ZNF407: variants seen among roughly 807,000 people sequenced by gnomAD.
The protein encoded by ZNF407 is zinc finger protein 407.
Under a neutral mutation model 131.2 loss-of-function variants are expected in ZNF407, and 17 were observed. The observed-to-expected ratio is 0.13, with a 90% CI of 0.09 to 0.19. The LOEUF is 0.19. ZNF407 is among the 10% of genes least tolerant of loss of function. The probability of loss-of-function intolerance (pLI) is 1.00; values close to 1 mark genes in which losing one functional copy is unlikely to be tolerated. For synonymous variants in ZNF407, 1,156 were observed against 1,062.0 expected, an observed-to-expected ratio of 1.09 and a Z score of -1.72; for missense variants, 2,681 against 2,830.6, an observed-to-expected ratio of 0.95 and a Z score of 1.20.
At chr18:74,913,677 A>T (rs1433783387) in intron 7 of ZNF407, among the ~76,000 whole-genome samples, 1 of 152,196 alleles carries the variant, frequency 6.6e-6, no homozygotes, top group African/African-American at 2.4e-5. Flanking sequence ...GACTTCTGTC[A>T]TATCCATTAT....
At chr18:74,988,636 G>A (rs1408442738) in intron 8 of ZNF407, among the ~76,000 whole-genome samples, 1 of 151,428 alleles carries the variant, frequency 6.6e-6, no homozygotes, top group Non-Finnish European at 1.5e-5. Context: ...AAAACTTGAA[G>A]TATAATAATA....
At chr18:74,914,128 C>G (rs1348373720) in intron 7 of ZNF407, among the ~76,000 whole-genome samples, 2 of 152,172 alleles carry the variant, frequency 1.3e-5, no homozygotes, top group South Asian at 4.1e-4. Context: ...TCTGCTGAGC[C>G]CTGCAGGAAT....
chr18:74,961,569 A>C (rs946888990), intron 8 of ZNF407, among the ~76,000 whole-genome samples: 16 of 152,056 alleles, frequency 1.1e-4, no homozygotes, highest in African/African-American at 3.9e-4. Context: ...AAATACAAAA[A>C]ATTAGCTGGG....
At chr18:74,808,549 A>G (rs949126425) in intron 4 of ZNF407, among the ~76,000 whole-genome samples, 8 of 152,226 alleles carry the variant, frequency 5.3e-5, no homozygotes, top group Non-Finnish European at 1.0e-4. Context: ...TATTGCTAGA[A>G]TAAGGGAAAG....
chr18:75,017,804 A>G (rs1011794445), intron 8 of ZNF407, among the ~76,000 whole-genome samples: 1 of 152,066 alleles, frequency 6.6e-6, no homozygotes, highest in Non-Finnish European at 1.5e-5. Flanking sequence ...TCTTTTTAGT[A>G]TAGCCAAAGT....
chr18:74,860,869 C>G (rs1176012679), intron 4 of ZNF407, among the ~76,000 whole-genome samples: 1 of 152,012 alleles, frequency 6.6e-6, no homozygotes, highest in Non-Finnish European at 1.5e-5. Flanking sequence ...AATAGTAACA[C>G]TTATGTATTA....
chr18:74,677,224 G>A (rs1480859607), intron 3 of ZNF407, among the ~76,000 whole-genome samples: 1 of 152,140 alleles, frequency 6.6e-6, no homozygotes, highest in Non-Finnish European at 1.5e-5. Context: ...TTGAGTAGCT[G>A]GGACCACAGG....
intron 8 of ZNF407, among the ~76,000 whole-genome samples, chr18:74,964,645 C>CT (rs555711108): frequency 1.2e-5 from 1 of 84,304 alleles, no homozygotes; most frequent in Admixed American, 1.4e-4. Flanking sequence ...AAATTGTTGT[C>CT]TTTTTTCTTT....
intron 3 of ZNF407, among the ~76,000 whole-genome samples, chr18:74,682,097 C>G (rs1391234172): frequency 6.6e-6 from 1 of 152,118 alleles, no homozygotes; most frequent in Non-Finnish European, 1.5e-5. Context: ...AATATTCTTC[C>G]CAAGTTCATT....
At chr18:74,804,207 C>A in intron 4 of ZNF407, 3 of 1,326,644 alleles carry the variant, frequency 2.3e-6, no homozygotes, top group Non-Finnish European at 2.9e-6. Context: ...TGTAAATCAT[C>A]ACACAAATGT....
At position 74,846,026 on chromosome 18, in the gene ZNF407, A is replaced by G. The variant is rs1271496566; in HGVS notation, c.4878-31171A>G. ...TTGAAATTTGAGTAAATCTATATCA[A>G]CTTGGCTCTTTTGTATGCAACTTAG... On this transcript the variant is annotated intron_variant, in intron 4 of 8. Transcript: ENST00000299687. Among the ~76,000 whole-genome samples, 3 of 152,192 alleles carry G rather than the reference A, an allele frequency of 2.0e-5. No individual in the cohort carries two copies. The East Asian group carries it at 5.8e-4, about 29-fold the overall frequency.
chr18:74,888,691 C>T (rs532860192), intron 6 of ZNF407, among the ~76,000 whole-genome samples: 6 of 152,124 alleles, frequency 3.9e-5, no homozygotes, highest in African/African-American at 1.4e-4. Flanking sequence ...ATTAAATATC[C>T]TTGTTTTCAG....
chr18:74,604,265 C>T (rs1311633961), intron 1 of ZNF407, among the ~76,000 whole-genome samples: 1 of 152,172 alleles, frequency 6.6e-6, no homozygotes, highest in Admixed American at 6.5e-5. Context: ...CCTAGTTTTT[C>T]TCCTTGTTAG....
chr18:74,845,227 T>C (rs1379627969), intron 4 of ZNF407, among the ~76,000 whole-genome samples: 5 of 152,240 alleles, frequency 3.3e-5, no homozygotes, highest in Non-Finnish European at 7.3e-5. Flanking sequence ...ATGTTGGTGA[T>C]GCTAAAGTTC....
At chr18:74,619,618 CAT>C (rs1313095288) in intron 1 of ZNF407, among the ~76,000 whole-genome samples, 4 of 152,146 alleles carry the variant, frequency 2.6e-5, no homozygotes, top group Non-Finnish European at 5.9e-5. Context: ...GGCTCTATCA[CAT>C]GTCACCTCCC....
Position 74,703,088 on chromosome 18 carries a change from T to G in ZNF407, c.4802+61966T>G, listed in dbSNP as rs1967538567. On this transcript the variant is annotated intron_variant, in intron 3 of 8. Coordinates refer to ENST00000299687, the MANE Select transcript of ZNF407 (RefSeq NM_017757.3). This position sits in a 1 kb window ranked among gnomAD's most constrained non-coding sequence, Gnocchi z 4.1. ...GTCTAGTGGTTGGAGAAACTCCTGATGGAGGTGGAGCAGTTGCAGGGCTAG... is the reference window on the plus strand; with the variant it reads ...GTCTAGTGGTTGGAGAAACTCCTGAGGGAGGTGGAGCAGTTGCAGGGCTAG... Among the ~76,000 whole-genome samples the G allele has an allele frequency of 6.6e-6, 1 of 152,230 alleles. No individual in the cohort carries two copies.
chr18:74,665,241 G>A (rs1223093718), intron 3 of ZNF407, among the ~76,000 whole-genome samples: 1 of 152,190 alleles, frequency 6.6e-6, no homozygotes, highest in Non-Finnish European at 1.5e-5. Flanking sequence ...TAAAATAATT[G>A]TGGAGTTACT....
chr18:74,647,966 G>A (rs769120874), intron 3 of ZNF407, among the ~76,000 whole-genome samples: 2 of 152,126 alleles, frequency 1.3e-5, no homozygotes, highest in African/African-American at 2.4e-5. Context: ...TTAACAGAGC[G>A]AACATGAGGG....
At chr18:74,951,189 T>C (rs536303510) in intron 8 of ZNF407, among the ~76,000 whole-genome samples, 1 of 152,310 alleles carries the variant, frequency 6.6e-6, no homozygotes, top group East Asian at 1.9e-4. Context: ...CTTTTCTTTT[T>C]TCTCTATGAT....
Sources: gnomAD v4.1 joint callset for allele counts (sites outside exome capture counted in the v4.1 genomes callset) on GRCh38, gnomAD v4.1.1 for gene constraint, Gnocchi (gnomAD v3.1) non-coding constraint, MANE v1.5 for transcripts, NCBI Gene and HGNC (gene_info 2026-07-23, HGNC 2026-07-21) for gene names.